The following CD226 variants were observed in gnomAD, a reference collection of about 807,000 sequenced individuals.
The protein encoded by CD226 is CD226 antigen.
Under a neutral mutation model 34.9 loss-of-function variants are expected in CD226, and 24 were observed. The ratio of observed to expected loss-of-function variants is 0.69; its 90% CI spans 0.50 to 0.97. The LOEUF (loss-of-function observed/expected upper bound fraction) is 0.97, where lower values mean the gene tolerates loss of function less well. CD226 is among the 50% of genes least tolerant of loss of function. The pLI, the probability that CD226 is intolerant of heterozygous loss-of-function variation, is 0.00. For synonymous variants in CD226, 148 were observed against 147.4 expected (o/e 1.00, Z -0.03); for missense variants, 397 against 412.7 (o/e 0.96, Z 0.33).
At chr18:69,930,425 C>G (rs967566001) in intron 2 of CD226, among the ~76,000 whole-genome samples, 1 of 152,046 alleles carries the variant, frequency 6.6e-6, no homozygotes, top group Non-Finnish European at 1.5e-5. Flanking sequence ...CATCAAATCT[C>G]TGAGAACACA....
intron 2 of CD226, among the ~76,000 whole-genome samples, chr18:69,923,176 GAGAA>G (rs982103439): frequency 3.3e-4 from 48 of 146,296 alleles, no homozygotes; most frequent in African/African-American, 5.5e-4. Flanking sequence ...GAGAAAAAGA[GAGAA>G]AGAAAGAAAG....
intron 2 of CD226, among the ~76,000 whole-genome samples, chr18:69,922,754 G>A (rs891295727): frequency 1.1e-4 from 17 of 152,220 alleles, no homozygotes; most frequent in African/African-American, 3.6e-4. Context: ...GGGGCCCTTC[G>A]CAGTCTACCC....
intron 3 of CD226, among the ~76,000 whole-genome samples, chr18:69,876,759 C>T (rs1346187677): frequency 6.6e-6 from 1 of 152,144 alleles, no homozygotes; most frequent in Non-Finnish European, 1.5e-5. Flanking sequence ...GTATCAGATC[C>T]CACAGGCTGG....
At chr18:69,867,278 A>C (rs1319236142) in intron 5 of CD226, 79 bp downstream of exon 5, 2 of 886,442 alleles carry the variant, frequency 2.3e-6, no homozygotes, top group Non-Finnish European at 3.7e-6. Flanking sequence ...ATAAAATATA[A>C]GATTGCTAAC....
At chr18:69,909,076 T>C (rs1458427703) in intron 2 of CD226, among the ~76,000 whole-genome samples, 1 of 152,238 alleles carries the variant, frequency 6.6e-6, no homozygotes, top group Non-Finnish European at 1.5e-5. Context: ...GTTTTACCTC[T>C]ACCTTCTATT....
At chr18:69,954,658 G>T (rs1399770030) in intron 1 of CD226, among the ~76,000 whole-genome samples, 1 of 151,994 alleles carries the variant, frequency 6.6e-6, no homozygotes, top group African/African-American at 2.4e-5. Context: ...GGTACTAACT[G>T]GTAATAACTT....
intron 2 of CD226, among the ~76,000 whole-genome samples, chr18:69,897,285 G>C (rs1223916461): frequency 1.3e-5 from 2 of 152,256 alleles, no homozygotes; most frequent in East Asian, 3.9e-4. Flanking sequence ...TTTTAAAATA[G>C]CATAAAGGGG....
Position 69,854,213 on chromosome 18 carries a change from G to C in CD226, c.*10101C>G, listed in dbSNP as rs372914875. ...CTTATTAGACCTATTAGAGAACCAA[G>C]GTCCTGAGCAAACTGCCACCCCAAA... On this transcript the variant is annotated 3_prime_UTR_variant, in exon 6 of 6. Transcript: ENST00000582621. The C allele has an allele frequency of 6.6e-6, 1 of 152,130 alleles. No individual in the cohort carries two copies. Among genetic ancestry groups the C allele is most frequent in the African/African-American group, 2.4e-5 (1 of 41,412 alleles). 9.4% of individuals were successfully genotyped at this position (152,130 alleles called of 1,614,324 possible).
In CD226 at chr18:69,862,051, A is replaced by G. The variant is rs1011792222; in HGVS notation, c.*2263T>C. 1.3e-5 allele frequency: 2 copies of G among 152,076 alleles called. No individual in the cohort carries two copies. The highest frequency in any genetic ancestry group is 4.8e-5 in the African/African-American group (2 of 41,446). The allele number at this position is 152,076 out of a possible 1,614,324, so 9.4% of individuals were successfully genotyped here. On this transcript the variant is annotated 3_prime_UTR_variant, in exon 6 of 6. Transcript: ENST00000582621. ...AGAGACCAAAAACACAAACACACACAAGGAAAAAGAGACAAGTTCCAAATG... is the reference window on the plus strand; with the variant it reads ...AGAGACCAAAAACACAAACACACACGAGGAAAAAGAGACAAGTTCCAAATG...
rs56118102 is a variant in CD226, at chr18:69,924,692, C to CAAAAAAAAAA, written c.382+22032_382+22041dup. On this transcript the variant is annotated intron_variant, in intron 2 of 5. Transcript: ENST00000582621. ...GGCAACAGTAGGATGAAGGTATTGCCAAAAAAAAAAAAAAAAAAAAGAATC... is the reference window on the plus strand; with the variant it reads ...GGCAACAGTAGGATGAAGGTATTGCCAAAAAAAAAAAAAAAAAAAAAAAAAAAAAAGAATC... Among the ~76,000 whole-genome samples the CAAAAAAAAAA allele has an allele frequency of 6.7e-3, 382 of 57,054 alleles. 20 individuals are homozygous for CAAAAAAAAAA. Among genetic ancestry groups the CAAAAAAAAAA allele is most frequent in the African/African-American group, 0.016 (267 of 16,380 alleles). The allele number at this position is 57,054 out of a possible 152,430, so 37.4% of individuals were successfully genotyped here.
chr18:69,926,066 C>T (rs553285754), intron 2 of CD226, among the ~76,000 whole-genome samples: 1 of 152,140 alleles, frequency 6.6e-6, no homozygotes, highest in South Asian at 2.1e-4. Flanking sequence ...TCACTGGAAC[C>T]CAGGATGTGG....
intron 4 of CD226, among the ~76,000 whole-genome samples, chr18:69,871,747 G>T (rs1268002798): frequency 6.6e-6 from 1 of 152,186 alleles, no homozygotes; most frequent in Non-Finnish European, 1.5e-5. Context: ...ACATCCGGGA[G>T]ATTAAATAAA....
chr18:69,890,906 T>G (rs1984856726), intron 3 of CD226, among the ~76,000 whole-genome samples: 1 of 151,832 alleles, frequency 6.6e-6, no homozygotes, highest in African/African-American at 2.4e-5. Flanking sequence ...AGTTCTACAT[T>G]ATCATGTGTA....
chr18:69,860,230 A>T lies in CD226; in HGVS notation c.*4084T>A, dbSNP rs1246127121. The T allele has an allele frequency of 6.6e-6, 1 of 152,220 alleles. No individual in the cohort carries two copies. Among genetic ancestry groups the T allele is most frequent in the Non-Finnish European group, 1.5e-5 (1 of 68,036 alleles). 9.4% of individuals were successfully genotyped at this position (152,220 alleles called of 1,614,324 possible). On this transcript the variant is annotated 3_prime_UTR_variant, in exon 6 of 6. Coordinates refer to ENST00000582621, the MANE Select transcript of CD226 (RefSeq NM_001303618.2). ...TTCTCCATGGCAAATGAAAGTAGTGATCGTGAAACATTGTGTTTTATTCAT... is the reference window on the plus strand; with the variant it reads ...TTCTCCATGGCAAATGAAAGTAGTGTTCGTGAAACATTGTGTTTTATTCAT...
At chr18:69,922,574 C>A (rs1477202531) in intron 2 of CD226, among the ~76,000 whole-genome samples, 1 of 152,162 alleles carries the variant, frequency 6.6e-6, no homozygotes, top group East Asian at 1.9e-4. Context: ...AGCCACTGTG[C>A]CCGGCTTTGT....
intron 3 of CD226, among the ~76,000 whole-genome samples, chr18:69,886,898 C>G (rs1254705044): frequency 2.0e-5 from 3 of 151,960 alleles, no homozygotes; most frequent in Non-Finnish European, 4.4e-5. Flanking sequence ...AATTTTAAAC[C>G]ATTTTATGAA....
At chr18:69,950,582 TGGCCACATGCAGG>T (rs550863506), upstream of CD226, among the ~76,000 whole-genome samples, 56 of 152,186 alleles carry the variant, frequency 3.7e-4, no homozygotes, top group East Asian at 9.7e-3. Flanking sequence ...CAGGAGGCTG[TGGCCACATGCAGG>T]GTGTGGCCAG....
chr18:69,893,335 G>T (rs528026496), intron 3 of CD226, among the ~76,000 whole-genome samples: 13 of 152,260 alleles, frequency 8.5e-5, no homozygotes, highest in African/African-American at 2.9e-4. Flanking sequence ...TACATACAAA[G>T]AAATAGTTTT....
chr18:69,895,767 G>C lies in CD226; in HGVS notation c.661C>G (p.Arg221Gly). 6.2e-7 allele frequency: 1 copy of C among 1,614,160 alleles called. No homozygotes were observed. Among genetic ancestry groups the C allele is most frequent in the South Asian group, 1.1e-5 (1 of 91,076 alleles). ...CCTGCGCTGGCCTGCAAGTAGCAGC[G>C]GTAAAGCCCCGAGTCTGAGACTGTG... ...DVTVSDSGLYRCYLQASAGEN... is the reference protein window; with the variant it reads ...DVTVSDSGLYGCYLQASAGEN... Residue 221 changes from arginine to glycine, a missense_variant, in exon 3 of 6, where the codon CGC (arginine) becomes GGC (glycine). By Grantham distance (125) the Arg-to-Gly change is moderately radical (BLOSUM62 -2). Coordinates refer to ENST00000582621, the MANE Select transcript of CD226 (RefSeq NM_001303618.2).
Sources: gnomAD v4.1 joint callset for allele counts (sites outside exome capture counted in the v4.1 genomes callset) on GRCh38, gnomAD v4.1.1 for gene constraint, MANE v1.5 for transcripts, NCBI Gene and HGNC (gene_info 2026-07-23, HGNC 2026-07-21) for gene names.